The following HELQ variants were observed in gnomAD, a reference collection of about 807,000 sequenced individuals.
HELQ encodes the protein helicase POLQ-like.
HELQ carries 77 observed loss-of-function variants against 111.6 expected under a neutral mutation model. The observed-to-expected ratio is 0.69, with a 90% CI of 0.57 to 0.83. HELQ has a LOEUF of 0.83. Among genes scored for constraint, HELQ ranks in the 40% least tolerant of loss-of-function variants. HELQ has a pLI of 0.00. For synonymous variants in HELQ, 438 were observed against 454.7 expected, an observed-to-expected ratio of 0.96 and a Z score of 0.47; for missense variants, 1,200 against 1,288.5, an observed-to-expected ratio of 0.93 and a Z score of 1.05.
rs563242302 is a variant in HELQ at position 83,438,508 on chromosome 4, T to TG, written c.1808+1354dup. On this transcript the variant is annotated intron_variant, in intron 8 of 17. Transcript: ENST00000295488. ...GTAATTCCAGCACTTTGGGAGGCTATGGGGGGCGGATTGCTTGAGCTCAGG... is the reference window on the plus strand; with the variant it reads ...GTAATTCCAGCACTTTGGGAGGCTATGGGGGGGCGGATTGCTTGAGCTCAGG... Among the ~76,000 whole-genome samples, 15 of 151,880 alleles carry TG rather than the reference T, an allele frequency of 9.9e-5. No homozygotes were observed. The East Asian group carries it at 2.3e-3, about 23-fold the overall frequency.
In HELQ at chr4:83,439,910, C is replaced by T; in HGVS notation, c.1761G>A (p.Lys587=). Residue 587 remains lysine (K), a synonymous_variant, in exon 8 of 18, where the codon AAG becomes AAA. Transcript: ENST00000295488. The part of the protein sequence containing the change: ...NYSCLVFCPS[K]KNCENVAEMI... ...TTTCTGCTACATTTTCACAGTTCTT[C>T]TTACTAGGACAAAAAACTAAGCAGG... 1 of 1,605,674 alleles carries T rather than the reference C, an allele frequency of 6.2e-7. No individual in the cohort carries two copies.
intron 6 of HELQ, among the ~76,000 whole-genome samples, chr4:83,442,260 A>ATTTTTTTTTTTTTTTTTTTTTTTTTTTTT (rs70949710): frequency 3.7e-5 from 3 of 82,082 alleles, no homozygotes; most frequent in Non-Finnish European, 6.5e-5. Context: ...AAAAACATCA[A>ATTTTTTTTTTTTTTTTTTTTTTTTTTTTT]TTTTTTTTTT....
intron 7 of HELQ, among the ~76,000 whole-genome samples, chr4:83,440,703 TG>T (rs1720713381): frequency 6.6e-6 from 1 of 152,182 alleles, no homozygotes; most frequent in East Asian, 1.9e-4. Context: ...CTGAACTACA[TG>T]GTCCATAAAT....
At chr4:83,440,277 G>T (rs1487410342) in intron 7 of HELQ, among the ~76,000 whole-genome samples, 1 of 151,812 alleles carries the variant, frequency 6.6e-6, no homozygotes, top group African/African-American at 2.4e-5. Context: ...GAAAATTAAA[G>T]AAGTGAAAAT....
At chr4:83,435,892 T>G (rs1004333920) in intron 9 of HELQ, among the ~76,000 whole-genome samples, 2 of 152,082 alleles carry the variant, frequency 1.3e-5, no homozygotes, top group Non-Finnish European at 2.9e-5. Flanking sequence ...TTTCATTTTT[T>G]TCTTCAATTG....
intron 9 of HELQ, among the ~76,000 whole-genome samples, chr4:83,436,507 A>G (rs1407645888): frequency 2.0e-5 from 3 of 152,182 alleles, no homozygotes; most frequent in Non-Finnish European, 2.9e-5. Flanking sequence ...CCAAGATTTC[A>G]AGGAAATCTC....
At chr4:83,455,835 A>T, upstream of HELQ, 1 of 858,892 alleles carries the variant, frequency 1.2e-6, no homozygotes, top group Non-Finnish European at 1.8e-6. Context: ...GGGCTCGCGG[A>T]CCGGAAGCAC....
In HELQ at chr4:83,455,398, T is replaced by C. The variant is rs752176494; in HGVS notation, c.296A>G (p.Gln99Arg). ...HMPTDRGVGDQPNDSEVDMFG... is the reference protein window; with the variant it reads ...HMPTDRGVGDRPNDSEVDMFG... ...TTTCAAGTTCCAAGTCCTCCGTACC[T>C]GGTCTCCCACCCCTCTGTCAGTGGG... Residue 99 changes from glutamine (Q) to arginine (R), a missense_variant and splice_region_variant, in exon 1 of 18, where the codon CAG (glutamine) becomes CGG (arginine). By Grantham distance (43) the Gln-to-Arg change is conservative. Transcript: ENST00000295488. 1.9e-6 allele frequency: 3 copies of C among 1,609,278 alleles called. No individual in the cohort carries two copies. The highest frequency in any genetic ancestry group is 1.1e-5 in the South Asian group (1 of 91,008).
intron 9 of HELQ, among the ~76,000 whole-genome samples, chr4:83,433,654 A>G (rs1453376876): frequency 7.4e-6 from 1 of 135,528 alleles, no homozygotes; most frequent in Admixed American, 7.5e-5. Context: ...TGACAGAGCG[A>G]GACTCCGTCT....
chr4:83,435,671 AAG>A (rs1720415006), intron 9 of HELQ, among the ~76,000 whole-genome samples: 1 of 152,124 alleles, frequency 6.6e-6, no homozygotes, highest in Non-Finnish European at 1.5e-5. Context: ...AATACTACAT[AAG>A]ATGAAAGAAA....
At chr4:83,420,596 C>A (rs1739626659) in intron 15 of HELQ, among the ~76,000 whole-genome samples, 1 of 152,082 alleles carries the variant, frequency 6.6e-6, no homozygotes, top group African/African-American at 2.4e-5. Flanking sequence ...ATCAGCCTGG[C>A]CAATATGGTG....
At chr4:83,454,001 C>G (rs1256370719) in intron 1 of HELQ, 56 bp from the exon 2 acceptor site, 1 of 1,080,532 alleles carries the variant, frequency 9.3e-7, no homozygotes, top group African/African-American at 1.6e-5. Context: ...AGAATAAAAG[C>G]TTCACCAGCC....
chr4:83,431,780 A>G lies in HELQ; in HGVS notation c.2191-12T>C. 8.8e-7 allele frequency: 1 copy of G among 1,136,928 alleles called. No homozygotes were observed. The highest frequency in any genetic ancestry group is 1.2e-6 in the Non-Finnish European group (1 of 822,172). The allele number at this position is 1,136,928 out of a possible 1,614,324, so 70.4% of individuals were successfully genotyped here. On this transcript the variant is annotated splice_polypyrimidine_tract_variant and intron_variant, in intron 10 of 17. Transcript: ENST00000295488. ...ATTAACTCCAATACCTATAAAGGTT[A>G]AAGCAAAACCATGCCTTGTGTTATT... is the stretch of plus-strand genomic sequence containing the variant.
intron 1 of HELQ, among the ~76,000 whole-genome samples, chr4:83,454,295 T>C (rs781636492): frequency 2.0e-5 from 3 of 152,174 alleles, no homozygotes; most frequent in Non-Finnish European, 4.4e-5. Flanking sequence ...CACATATGGA[T>C]CACAGACCTA....
chr4:83,437,074 T>C lies in HELQ; in HGVS notation c.1832A>G (p.Lys611Arg), dbSNP rs77159209. The change falls in exon 9 of 18, where the codon AAA becomes AGA. Residue 611 changes from lysine to arginine, a missense_variant. This residue lies in a region of HELQ where 585 missense variants were observed against 665.3 expected (regional missense o/e 0.88). Coordinates refer to ENST00000295488, the MANE Select transcript of HELQ (RefSeq NM_133636.5). ...GTTCTTAATCACCTCACATTTTTCT[T>C]TCTCCTTATGTTTCAGATATTCCCT... ...LSKEYLKHKE[K>R]EKCEVIKNLK... The C allele has an allele frequency of 1.6e-3, 2,637 of 1,613,570 alleles. 32 individuals are homozygous for C. In the African/African-American group the frequency reaches 0.03, roughly 18 times the overall value.
chr4:83,418,156 C>A lies in HELQ; in HGVS notation c.3000G>T (p.Lys1000Asn). Residue 1000 changes from lysine to asparagine, a missense_variant, in exon 16 of 18, where the codon AAG becomes AAT. By Grantham distance (94) the Lys-to-Asn change is moderately conservative (BLOSUM62 0). Coordinates refer to ENST00000295488, the MANE Select transcript of HELQ (RefSeq NM_133636.5). ...CTGCCTTTACACAGTAAGTCAGCTT[C>A]TTGGTAAGTTCTACCAAAAGGGCTC... Reference protein sequence around the residue: ...VYRALLVELTKKLTYCVKAEL... With the variant: ...VYRALLVELTNKLTYCVKAEL... 1 of 1,610,234 alleles carries A rather than the reference C, an allele frequency of 6.2e-7. No individual in the cohort carries two copies. The highest frequency in any genetic ancestry group is 8.5e-7 in the Non-Finnish European group (1 of 1,177,924).
intron 9 of HELQ, among the ~76,000 whole-genome samples, chr4:83,436,221 T>C (rs1483086658): frequency 1.3e-5 from 2 of 152,064 alleles, no homozygotes; most frequent in South Asian, 2.1e-4. Flanking sequence ...GAATCAAATA[T>C]AGTAAGAAAA....
chr4:83,453,195 G>A (rs769560644), intron 2 of HELQ, 36 bp downstream of exon 2: 7 of 1,359,818 alleles, frequency 5.1e-6, no homozygotes, highest in Non-Finnish European at 6.2e-6. Flanking sequence ...GGTAATGATA[G>A]GAAAAAAATT....
Position 83,453,538 on chromosome 4 carries a change from C to A in HELQ, c.705G>T (p.Leu235=), listed in dbSNP as rs563869367. 7.7e-5 allele frequency: 125 copies of A among 1,613,742 alleles called. No homozygotes were observed. In the African/African-American group the frequency reaches 1.5e-3, roughly 20 times the overall value. The change falls in exon 2 of 18, where the codon CTG becomes CTT. Residue 235 remains leucine, a synonymous_variant. Coordinates refer to ENST00000295488, the MANE Select transcript of HELQ (RefSeq NM_133636.5). ...SSSHNTVNEE[L]PHNCIEQPQQ... ...GGGGTTGCTCTATGCAATTATGGGG[C>A]AGTTCCTCATTCACAGTGTTGTGAG...
Sources: gnomAD v4.1 joint callset for allele counts (sites outside exome capture counted in the v4.1 genomes callset) on GRCh38, gnomAD v4.1.1 for gene constraint, gnomAD v4.1.1 regional missense constraint, MANE v1.5 for transcripts, NCBI Gene and HGNC (gene_info 2026-07-23, HGNC 2026-07-21) for gene names.